Variants in DOCK1 observed in about 807,000 individuals in gnomAD.
DOCK1 encodes the protein dedicator of cytokinesis protein 1.
Under a neutral mutation model 262.7 loss-of-function variants are expected in DOCK1, and 138 were observed. The observed-to-expected ratio is 0.53, with a 90% confidence interval of 0.46 to 0.61. DOCK1 has a LOEUF of 0.61. DOCK1 is among the 20% of genes least tolerant of loss of function. The probability of loss-of-function intolerance (pLI) is 0.00; values close to 1 mark genes in which losing one functional copy is unlikely to be tolerated. For synonymous variants in DOCK1, 866 were observed against 867.4 expected (o/e 1.00, Z 0.03); for missense variants, 1,908 against 2,370.7 (o/e 0.80, Z 4.05).
intron 1 of DOCK1, among the ~76,000 whole-genome samples, chr10:126,962,200 C>T (rs1004243568): frequency 6.7e-6 from 1 of 149,834 alleles, no homozygotes; most frequent in African/African-American, 2.5e-5. Flanking sequence ...GCTCTTGTTG[C>T]CCAGGCTGGA....
chr10:127,158,293 T>A (rs778997601), intron 27 of DOCK1, among the ~76,000 whole-genome samples: 9 of 152,290 alleles, frequency 5.9e-5, no homozygotes. Context: ...CTAAAAACTT[T>A]AAACTGCTAG....
intron 23 of DOCK1, among the ~76,000 whole-genome samples, chr10:127,063,472 AT>A (rs572753588): frequency 1.1e-3 from 163 of 149,872 alleles, no homozygotes; most frequent in Non-Finnish European, 1.5e-3. Flanking sequence ...CGATTTCTTG[AT>A]TTTTTTTTTA....
chr10:127,115,361 C>T (rs1018598239), intron 25 of DOCK1, among the ~76,000 whole-genome samples: 4 of 152,152 alleles, frequency 2.6e-5, no homozygotes, highest in Non-Finnish European at 5.9e-5. Flanking sequence ...AGCTTTGTCT[C>T]GCCATGTGAC....
intron 29 of DOCK1, among the ~76,000 whole-genome samples, chr10:127,283,119 G>T (rs1355573815): frequency 6.6e-6 from 1 of 152,248 alleles, no homozygotes; most frequent in Non-Finnish European, 1.5e-5. Context: ...CTCCTGCTTT[G>T]CTCTGGAAGG....
intron 23 of DOCK1, among the ~76,000 whole-genome samples, chr10:127,078,334 T>G (rs894596376): frequency 1.3e-4 from 20 of 152,116 alleles, no homozygotes; most frequent in African/African-American, 4.8e-4. Flanking sequence ...GCATGTCTGC[T>G]TTCAGAGTTT....
chr10:127,001,548 T>C (rs1290237801), intron 10 of DOCK1: 1 of 152,232 alleles, frequency 6.6e-6, no homozygotes, highest in Non-Finnish European at 1.5e-5. Context: ...TAATACCGTA[T>C]ATTCACCATT....
Position 127,047,859 on chromosome 10 carries a change from T to C in DOCK1, c.2201+4695T>C, listed in dbSNP as rs536665359. The stretch of plus-strand genomic sequence containing the variant: ...AAATATTTGATTTTGCTCCTCTCTA[T>C]TTCTGAGCAGTATTTTATTGTATGA... On this transcript the variant is annotated intron_variant, in intron 21 of 51. Transcript: ENST00000623213. 6.6e-5 allele frequency among the ~76,000 whole-genome samples: 10 copies of C among 152,374 alleles called. 1 individual carries two copies. The highest frequency in any genetic ancestry group is 2.4e-4 in the African/African-American group (10 of 41,590).
intron 40 of DOCK1, among the ~76,000 whole-genome samples, chr10:127,405,994 G>A (rs1053966254): frequency 6.6e-6 from 1 of 152,216 alleles, no homozygotes; most frequent in Non-Finnish European, 1.5e-5. Context: ...AAACAAAGCT[G>A]AAGGGTGGAA....
At chr10:127,032,383 G>C in intron 18 of DOCK1, 63 bp downstream of exon 18, 1 of 1,445,732 alleles carries the variant, frequency 6.9e-7, no homozygotes, top group African/African-American at 1.4e-5. Flanking sequence ...TCTTTTCCAT[G>C]CTCCTTCCTA....
At chr10:127,396,537 C>A (rs2066860652) in intron 38 of DOCK1, among the ~76,000 whole-genome samples, 1 of 152,184 alleles carries the variant, frequency 6.6e-6, no homozygotes, top group Non-Finnish European at 1.5e-5. Flanking sequence ...ACTTGCTGTT[C>A]CTCTCCTCCT....
chr10:127,178,181 G>C (rs1043310794), intron 27 of DOCK1, among the ~76,000 whole-genome samples: 1 of 152,184 alleles, frequency 6.6e-6, no homozygotes, highest in Non-Finnish European at 1.5e-5. Flanking sequence ...AGGCCAGCCT[G>C]GTCTTGTCAC....
chr10:127,082,143 CAAA>C (rs974838589), intron 23 of DOCK1, among the ~76,000 whole-genome samples: 18 of 152,130 alleles, frequency 1.2e-4, no homozygotes, highest in Admixed American at 6.5e-5. Context: ...ATTGTAGTAA[CAAA>C]GAAGAGGTTT....
intron 10 of DOCK1, among the ~76,000 whole-genome samples, chr10:127,008,391 C>T (rs925863710): frequency 2.0e-5 from 3 of 152,216 alleles, no homozygotes; most frequent in African/African-American, 7.2e-5. Context: ...AGCCACTGCG[C>T]CTGGCCTATG....
At chr10:127,273,726 A>T (rs1385380096) in intron 29 of DOCK1, among the ~76,000 whole-genome samples, 1 of 152,054 alleles carries the variant, frequency 6.6e-6, no homozygotes, top group Non-Finnish European at 1.5e-5. Flanking sequence ...TACTAAAAGT[A>T]AAAAAAGTTA....
intron 29 of DOCK1, among the ~76,000 whole-genome samples, chr10:127,260,573 C>CTG (rs1323903059): frequency 2.0e-5 from 3 of 151,904 alleles, no homozygotes; most frequent in Non-Finnish European, 4.4e-5. Context: ...TGATGTGTGC[C>CTG]TGTGTGTGTA....
intron 25 of DOCK1, among the ~76,000 whole-genome samples, chr10:127,114,209 C>G (rs1192276147): frequency 1.3e-5 from 2 of 152,120 alleles, no homozygotes; most frequent in African/African-American, 4.8e-5. Context: ...CTGCTGGTAC[C>G]TAGCGCATGC....
At chr10:127,439,604 C>G (rs552094429) in intron 49 of DOCK1, among the ~76,000 whole-genome samples, 2 of 152,282 alleles carry the variant, frequency 1.3e-5, no homozygotes, top group East Asian at 3.9e-4. Context: ...TTCCCCTTGC[C>G]CCTTGCTGAC....
chr10:127,399,657 A>G (rs1177829363), intron 38 of DOCK1, among the ~76,000 whole-genome samples: 1 of 151,926 alleles, frequency 6.6e-6, no homozygotes, highest in African/African-American at 2.4e-5. Flanking sequence ...ATAAAAACAG[A>G]TTAGGCTTTT....
At chr10:126,963,385 A>C (rs2037374602) in intron 1 of DOCK1, among the ~76,000 whole-genome samples, 1 of 152,156 alleles carries the variant, frequency 6.6e-6, no homozygotes, top group Admixed American at 6.5e-5. Flanking sequence ...ACATTTCGTT[A>C]GTTTTAGTTT....
Sources: gnomAD v4.1 joint callset for allele counts (sites outside exome capture counted in the v4.1 genomes callset) on GRCh38, gnomAD v4.1.1 for gene constraint, MANE v1.5 for transcripts, NCBI Gene and HGNC (gene_info 2026-07-23, HGNC 2026-07-21) for gene names.